The following ZNF723 variants were observed in gnomAD, a reference collection of about 807,000 sequenced individuals.
ZNF723 encodes the protein zinc finger protein 723, also known as zinc finger protein 723, pseudogene.
In ZNF723, 5 loss-of-function variants were observed where a neutral mutation model predicts 9.4. The observed-to-expected ratio is 0.53, with a 90% CI of 0.28 to 1.12. The LOEUF (loss-of-function observed/expected upper bound fraction) is 1.12. Among genes scored for constraint, ZNF723 ranks in the 50% most tolerant of loss-of-function variants. The pLI is 0.10. For synonymous variants in ZNF723, 158 were observed against 168.8 expected (o/e 0.94, Z 0.49); for missense variants, 450 against 501.5 (o/e 0.90, Z 0.98).
At chr19:22,813,447 C>A in the ZNF723 span, among the ~76,000 whole-genome samples, 1 of 152,088 alleles carries the variant, frequency 6.6e-6, no homozygotes, top group South Asian at 2.1e-4. Context: ...TATCACTGGG[C>A]CTTGCATCCA....
intron 3 of ZNF723, among the ~76,000 whole-genome samples, chr19:22,850,732 A>G (rs1403936065): frequency 6.6e-6 from 1 of 152,028 alleles, no homozygotes; most frequent in Non-Finnish European, 1.5e-5. Flanking sequence ...AGTTACTATT[A>G]AGAGTTTATT....
At position 22,857,600 on chromosome 19, in the gene ZNF723, G is replaced by A. The variant is rs12978241; in HGVS notation, c.709G>A (p.Ala237Thr). Reference protein sequence around the residue: ...KPYKCEECGKAFNVSSSLNNH... With the variant: ...KPYKCEECGKTFNVSSSLNNH... ...CTACAAATGTGAAGAATGTGGCAAA[G>A]CCTTTAATGTGTCCTCAAGCCTTAA... is the stretch of plus-strand genomic sequence containing the variant. Residue 237 changes from alanine (A) to threonine (T), a missense_variant, in exon 4 of 4, where the codon GCC becomes ACC. Transcript: ENST00000600766. 1 of 1,328,208 alleles carries A rather than the reference G, an allele frequency of 7.5e-7. No homozygotes were observed. The highest frequency in any genetic ancestry group is 1.4e-5 in the African/African-American group (1 of 69,262). 82.3% of individuals were successfully genotyped at this position (1,328,208 alleles called of 1,614,324 possible).
upstream of ZNF723, among the ~76,000 whole-genome samples, chr19:22,831,833 G>C (rs947909848): frequency 6.6e-6 from 1 of 151,846 alleles, no homozygotes; most frequent in African/African-American, 2.4e-5. Flanking sequence ...GCTTGAACCC[G>C]GAAGGCAGAG....
At chr19:22,855,255 GTC>G (rs1366986645) in intron 3 of ZNF723, among the ~76,000 whole-genome samples, 1 of 144,094 alleles carries the variant, frequency 6.9e-6, no homozygotes, top group Non-Finnish European at 1.5e-5. Flanking sequence ...TTGAGATGGA[GTC>G]TCTCTCTGTC....
upstream of ZNF723, among the ~76,000 whole-genome samples, chr19:22,827,437 T>TTTG (rs71180602): frequency 2.0e-4 from 25 of 127,276 alleles, no homozygotes; most frequent in African/African-American, 6.4e-4. Context: ...TTTTTTTTTT[T>TTTG]GTTTTTTTGT....
the ZNF723 span, among the ~76,000 whole-genome samples, chr19:22,821,975 T>C: frequency 6.6e-6 from 1 of 152,080 alleles, no homozygotes; most frequent in Non-Finnish European, 1.5e-5. Context: ...CCAGTTGTGG[T>C]GGTGTGCGTC....
intron 1 of ZNF723, among the ~76,000 whole-genome samples, chr19:22,839,445 T>A (rs765110087): frequency 1.7e-4 from 25 of 150,620 alleles, no homozygotes; most frequent in Admixed American, 4.0e-4. Flanking sequence ...CTCCACAACC[T>A]TGCCAGCATG....
chr19:22,848,493 A>G (rs1212002838), intron 2 of ZNF723, 106 bp downstream of exon 2: 1 of 877,636 alleles, frequency 1.1e-6, no homozygotes, highest in Non-Finnish European at 1.7e-6. Flanking sequence ...TGAGTTTCAC[A>G]TCACTGTTTT....
rs1302043673 is a variant in ZNF723, at chr19:22,832,512, C to T, written c.3+130C>T. On this transcript the variant is annotated intron_variant, in intron 1 of 3. Transcript: ENST00000600766. ...TCTGCGCTCGGAGTTCTAGCCTGGC[C>T]CGGCCTCAGACACCTTCAGCGATAA... 2.8e-6 allele frequency: 3 copies of T among 1,058,634 alleles called. No individual in the cohort carries two copies. The East Asian group carries it at 9.8e-5, about 35-fold the overall frequency. The allele number at this position is 1,058,634 out of a possible 1,614,324, so 65.6% of individuals were successfully genotyped here.
the ZNF723 span, among the ~76,000 whole-genome samples, chr19:22,817,167 G>A: frequency 1.2e-4 from 19 of 152,150 alleles, no homozygotes; most frequent in African/African-American, 4.1e-4. Flanking sequence ...GATGTATTAC[G>A]ATGCATTTTT....
At chr19:22,815,620 A>G in the ZNF723 span, among the ~76,000 whole-genome samples, 1 of 152,200 alleles carries the variant, frequency 6.6e-6, no homozygotes, top group African/African-American at 2.4e-5. Flanking sequence ...GAATTGTGAC[A>G]TATATTTTGG....
intron 2 of ZNF723, 139 bp downstream of exon 2, chr19:22,848,526 C>A: frequency 1.4e-6 from 1 of 727,190 alleles, no homozygotes; most frequent in Non-Finnish European, 2.2e-6. Flanking sequence ...GGGAATTTGT[C>A]AGTGTAGAAA....
upstream of ZNF723, among the ~76,000 whole-genome samples, chr19:22,827,584 A>C (rs1041772274): frequency 6.6e-6 from 1 of 151,824 alleles, no homozygotes; most frequent in Non-Finnish European, 1.5e-5. Context: ...AGTGGCTGGG[A>C]TTATAGGTAC....
intron 1 of ZNF723, among the ~76,000 whole-genome samples, chr19:22,835,518 T>TTTTTTGTTTGTTTG (rs1464794563): frequency 6.6e-6 from 1 of 152,194 alleles, no homozygotes; most frequent in African/African-American, 2.4e-5. Context: ...ATTTACCGTT[T>TTTTTTGTTTGTTTG]TTTTTGTTTG....
At chr19:22,825,905 C>T in the ZNF723 span, among the ~76,000 whole-genome samples, 1 of 152,262 alleles carries the variant, frequency 6.6e-6, no homozygotes, top group Admixed American at 6.5e-5. Context: ...ACTCTCCTCT[C>T]CTGCCCAGGC....
chr19:22,815,264 A>G, the ZNF723 span, among the ~76,000 whole-genome samples: 1 of 152,052 alleles, frequency 6.6e-6, no homozygotes, highest in African/African-American at 2.4e-5. Flanking sequence ...GCCTTGTAAA[A>G]TATTTCTGTA....
At chr19:22,853,706 C>A (rs1967429651) in intron 3 of ZNF723, among the ~76,000 whole-genome samples, 1 of 152,158 alleles carries the variant, frequency 6.6e-6, no homozygotes, top group African/African-American at 2.4e-5. Context: ...TCAGTGCAAC[C>A]TCCTCCTCCC....
chr19:22,842,950 G>C (rs1967267722), intron 1 of ZNF723, among the ~76,000 whole-genome samples: 1 of 152,170 alleles, frequency 6.6e-6, no homozygotes, highest in African/African-American at 2.4e-5. Context: ...CTTGTCCAGT[G>C]ACCTGCTACA....
At chr19:22,816,372 A>C in the ZNF723 span, among the ~76,000 whole-genome samples, 1 of 152,202 alleles carries the variant, frequency 6.6e-6, no homozygotes, top group Admixed American at 6.5e-5. Context: ...TGACTCTCAG[A>C]CCAAGATCCA....
Sources: allele counts gnomAD v4.1 joint callset (sites outside exome capture counted in the v4.1 genomes callset), GRCh38; gene constraint gnomAD v4.1.1; transcripts MANE v1.5; gene names NCBI Gene and HGNC (gene_info 2026-07-23, HGNC 2026-07-21).